The following ZC3H12B variants were observed in gnomAD, a reference collection of about 807,000 sequenced individuals.
ZC3H12B encodes the protein probable ribonuclease ZC3H12B.
In ZC3H12B, 7 loss-of-function variants were observed where a neutral mutation model predicts 43.9. That is an observed-to-expected ratio of 0.16 (90% CI 0.09 to 0.30). ZC3H12B has a LOEUF of 0.30. Among genes scored for constraint, ZC3H12B ranks in the 10% least tolerant of loss-of-function variants. The pLI, the probability that ZC3H12B is intolerant of heterozygous loss-of-function variation, is 1.00. For synonymous variants in ZC3H12B, 222 were observed against 241.7 expected (o/e 0.92, Z 0.76); for missense variants, 475 against 670.2 (o/e 0.71, Z 3.22).
the ZC3H12B span, among the ~76,000 whole-genome samples, chrX:65,119,497 G>A: frequency 9.0e-6 from 1 of 111,654 alleles, no homozygotes; most frequent in Non-Finnish European, 1.9e-5. Flanking sequence ...TGATGCAGTT[G>A]TTTTTTTCTT....
the ZC3H12B span, among the ~76,000 whole-genome samples, chrX:65,159,953 T>C: frequency 1.8e-5 from 2 of 111,958 alleles, no homozygotes; most frequent in African/African-American, 6.5e-5. Context: ...ACCTAATTTA[T>C]TGAGAAATTT....
the ZC3H12B span, among the ~76,000 whole-genome samples, chrX:65,128,754 C>T: frequency 2.3e-4 from 26 of 111,906 alleles, no homozygotes; most frequent in South Asian, 7.3e-4. Flanking sequence ...TTCACAATTA[C>T]GGTTGCTGAG....
chrX:65,192,454 GT>G, the ZC3H12B span, among the ~76,000 whole-genome samples: 1 of 111,381 alleles, frequency 9.0e-6, no homozygotes, highest in Non-Finnish European at 1.9e-5. Flanking sequence ...AAGGCTTGCA[GT>G]TTTTCCTCAG....
At chrX:65,059,264 C>T in the ZC3H12B span, among the ~76,000 whole-genome samples, 2 of 97,384 alleles carry the variant, frequency 2.1e-5, no homozygotes, top group East Asian at 3.7e-4. Context: ...TGGCTGCCTG[C>T]GCTTGTGCGG....
the ZC3H12B span, among the ~76,000 whole-genome samples, chrX:65,136,435 G>T: frequency 9.0e-6 from 1 of 111,432 alleles, no homozygotes; most frequent in Non-Finnish European, 1.9e-5. Flanking sequence ...ACACTGTCTT[G>T]GTAGGAGTGT....
chrX:65,087,242 C>T, the ZC3H12B span, among the ~76,000 whole-genome samples: 13 of 111,250 alleles, frequency 1.2e-4, no homozygotes. Flanking sequence ...GCACTGACAC[C>T]CTATGCTAAG....
intron 3 of ZC3H12B, among the ~76,000 whole-genome samples, chrX:65,446,486 A>T (rs2067378304): frequency 9.0e-6 from 1 of 111,584 alleles, no homozygotes; most frequent in Non-Finnish European, 1.9e-5. Flanking sequence ...AAACGCTTTA[A>T]TGCTTGGTGG....
At chrX:65,134,822 G>C in the ZC3H12B span, among the ~76,000 whole-genome samples, 1 of 111,499 alleles carries the variant, frequency 9.0e-6, no homozygotes, top group Non-Finnish European at 1.9e-5. Flanking sequence ...GTCAGCAAAG[G>C]GAGTTAGGGG....
the ZC3H12B span, among the ~76,000 whole-genome samples, chrX:65,228,660 T>A: frequency 8.9e-6 from 1 of 112,173 alleles, no homozygotes; most frequent in Admixed American, 9.5e-5. Flanking sequence ...AAAATCTGCT[T>A]AAGCTGATAA....
chrX:65,075,235 A>G, the ZC3H12B span, among the ~76,000 whole-genome samples: 1 of 112,409 alleles, frequency 8.9e-6, no homozygotes, highest in Non-Finnish European at 1.9e-5. Flanking sequence ...GTTTCCCCCA[A>G]GCTTCTAGAG....
At chrX:65,347,241 A>G in the ZC3H12B span, among the ~76,000 whole-genome samples, 1 of 111,634 alleles carries the variant, frequency 9.0e-6, no homozygotes, top group Non-Finnish European at 1.9e-5. Context: ...ACTAACAAAC[A>G]AACAGAAAGG....
the ZC3H12B span, among the ~76,000 whole-genome samples, chrX:65,289,776 C>A: frequency 9.1e-6 from 1 of 110,248 alleles, no homozygotes; most frequent in Non-Finnish European, 1.9e-5. Context: ...GAATGTTGGA[C>A]AGTCATATGC....
At chrX:65,307,551 T>A in the ZC3H12B span, among the ~76,000 whole-genome samples, 4 of 111,666 alleles carry the variant, frequency 3.6e-5, no homozygotes, top group South Asian at 1.5e-3. Flanking sequence ...AAACAACCAG[T>A]TAATTGGAAA....
the ZC3H12B span, among the ~76,000 whole-genome samples, chrX:65,099,237 A>T: frequency 9.0e-6 from 1 of 111,574 alleles, no homozygotes; most frequent in African/African-American, 3.3e-5. Context: ...TAACACTCTC[A>T]TCTCACTGGT....
chrX:65,464,561 TCAAA>T (rs974953430), intron 3 of ZC3H12B, among the ~76,000 whole-genome samples: 46 of 111,116 alleles, frequency 4.1e-4, no homozygotes, highest in African/African-American at 1.1e-3. Flanking sequence ...ATTGATCTTG[TCAAA>T]CAAACTACTT....
chrX:65,145,634 G>A, the ZC3H12B span, among the ~76,000 whole-genome samples: 1 of 111,589 alleles, frequency 9.0e-6, no homozygotes, highest in South Asian at 3.7e-4. Flanking sequence ...TGTGTTTCCA[G>A]GATTGACTTC....
At chrX:65,228,498 A>G in the ZC3H12B span, among the ~76,000 whole-genome samples, 1 of 110,205 alleles carries the variant, frequency 9.1e-6, no homozygotes, top group Non-Finnish European at 1.9e-5. Context: ...CTCTCTCACC[A>G]CTCCTATTCA....
chrX:65,123,360 T>A, the ZC3H12B span, among the ~76,000 whole-genome samples: 6 of 111,738 alleles, frequency 5.4e-5, no homozygotes, highest in African/African-American at 1.9e-4. Flanking sequence ...ACATCAATGT[T>A]CATCAAGGAT....
At chrX:65,160,517 C>T in the ZC3H12B span, among the ~76,000 whole-genome samples, 1 of 111,643 alleles carries the variant, frequency 9.0e-6, no homozygotes, top group East Asian at 2.8e-4. Context: ...GGAATTTATC[C>T]ATTTCTTCTA....
Sources: allele counts gnomAD v4.1 joint callset (sites outside exome capture counted in the v4.1 genomes callset), GRCh38; gene constraint gnomAD v4.1.1; transcripts MANE v1.5; gene names NCBI Gene and HGNC (gene_info 2026-07-23, HGNC 2026-07-21).